THSD7A: variants seen among roughly 807,000 people sequenced by gnomAD.
The protein encoded by THSD7A is thrombospondin type 1 domain containing 7A, also known as thrombospondin type-1 domain-containing protein 7A.
THSD7A carries 96 observed loss-of-function variants against 231.3 expected under a neutral mutation model. The ratio of observed to expected loss-of-function variants is 0.41; its 90% CI spans 0.35 to 0.49. THSD7A has a LOEUF of 0.49. Among genes scored for constraint, THSD7A ranks in the 20% least tolerant of loss-of-function variants. The pLI is 0.05. For missense variants in THSD7A, 2,290 were observed against 2,070.2 expected (o/e 1.11, Z -2.06); for synonymous variants, 940 against 743.3 (o/e 1.26, Z -4.30).
At chr7:11,708,796 A>G (rs1780853413) in intron 1 of THSD7A, among the ~76,000 whole-genome samples, 1 of 150,922 alleles carries the variant, frequency 6.6e-6, no homozygotes, top group Non-Finnish European at 1.5e-5. Context: ...CACAATTATT[A>G]TCAAATAGTT....
intron 4 of THSD7A, among the ~76,000 whole-genome samples, chr7:11,571,586 A>G (rs1790632691): frequency 6.6e-6 from 1 of 152,228 alleles, no homozygotes; most frequent in South Asian, 2.1e-4. Flanking sequence ...CAGGTAATCT[A>G]TCTCCATAGT....
At chr7:11,727,184 C>T (rs1781576683) in intron 1 of THSD7A, among the ~76,000 whole-genome samples, 1 of 152,020 alleles carries the variant, frequency 6.6e-6, no homozygotes, top group Admixed American at 6.6e-5. Flanking sequence ...GCAGGGCATA[C>T]ATATTTGCAA....
Position 11,375,521 on chromosome 7 carries a change from C to A in THSD7A, c.*273G>T. On this transcript the variant is annotated 3_prime_UTR_variant, in exon 28 of 28. Coordinates refer to ENST00000423059, the MANE Select transcript of THSD7A (RefSeq NM_015204.3). ...TTAGAGATGAAAGTGGTTTTTCAGT[C>A]GGTAGATTTCAGAAAAGATGACATA... 3.6e-6 allele frequency: 1 copy of A among 276,378 alleles called. No individual in the cohort carries two copies. The highest frequency in any genetic ancestry group is 6.2e-5 in the East Asian group (1 of 16,078). 17.1% of individuals were successfully genotyped at this position (276,378 alleles called of 1,614,324 possible).
At chr7:11,548,573 G>C (rs1039286626) in intron 4 of THSD7A, among the ~76,000 whole-genome samples, 9 of 152,114 alleles carry the variant, frequency 5.9e-5, no homozygotes, top group Admixed American at 5.9e-4. Context: ...GAAAACTTTA[G>C]GCCAATATCC....
In THSD7A at chr7:11,457,578, A is replaced by C. The variant is rs571553948; in HGVS notation, c.2605+3084T>G. Among the ~76,000 whole-genome samples the C allele has an allele frequency of 1.3e-3, 198 of 152,116 alleles. 1 individual carries two copies. The highest frequency in any genetic ancestry group is 0.01 in the Middle Eastern group (3 of 294). ...CAGGCCCATGTGTCTTATCTTTCTA[A>C]TTTATTCTGTACACGCTGACAGATA... On this transcript the variant is annotated intron_variant, in intron 11 of 27. Coordinates refer to ENST00000423059, the MANE Select transcript of THSD7A (RefSeq NM_015204.3).
intron 1 of THSD7A, among the ~76,000 whole-genome samples, chr7:11,710,269 G>GAA (rs35545313): frequency 6.9e-6 from 1 of 145,580 alleles, no homozygotes; most frequent in Non-Finnish European, 1.5e-5. Flanking sequence ...CACTTTACAA[G>GAA]AAAAAAAAAA....
At chr7:11,476,609 G>A (rs1450161048) in intron 7 of THSD7A, among the ~76,000 whole-genome samples, 7 of 152,046 alleles carry the variant, frequency 4.6e-5, no homozygotes, top group African/African-American at 1.7e-4. Context: ...CTGAGCTCAG[G>A]AGTTTGGGAC....
intron 1 of THSD7A, among the ~76,000 whole-genome samples, chr7:11,786,147 G>A (rs78764744): frequency 0.015 from 2,217 of 148,608 alleles, 47 homozygotes; most frequent in African/African-American, 0.055. Context: ...CTAATAGTTT[G>A]GTTAATTCTT....
intron 1 of THSD7A, among the ~76,000 whole-genome samples, chr7:11,673,142 G>A (rs778547583): frequency 6.6e-6 from 1 of 152,096 alleles, no homozygotes; most frequent in Non-Finnish European, 1.5e-5. Context: ...GAGGAAGCAT[G>A]GCAGCCTGCC....
rs1012193285 is a variant in THSD7A, at chr7:11,406,349, A to T, written c.4188T>A (p.Asp1396Glu). Reference sequence around the variant, plus strand: ...CCTCCAGAACCATATTTTTATTACCATCTATAATGAGTTCAATGTCAGCAC... The same window carrying T: ...CCTCCAGAACCATATTTTTATTACCTTCTATAATGAGTTCAATGTCAGCAC... ...EFCADIELII[D>E]GNKNMVLEES... The change falls in exon 22 of 28, where the codon GAT becomes GAA. Residue 1396 changes from aspartate (D) to glutamate (E), a missense_variant. Physicochemically the swap from Asp to Glu is conservative, Grantham distance 45. Coordinates refer to ENST00000423059, the MANE Select transcript of THSD7A (RefSeq NM_015204.3). The surrounding 1 kb of genome is among the most constrained non-coding windows in gnomAD (Gnocchi z 4.7). 4 of 1,613,478 alleles carry T rather than the reference A, an allele frequency of 2.5e-6. No individual in the cohort carries two copies. Among genetic ancestry groups the T allele is most frequent in the African/African-American group, 1.3e-5 (1 of 74,984 alleles).
intron 6 of THSD7A, among the ~76,000 whole-genome samples, chr7:11,519,804 A>G (rs985719324): frequency 2.0e-5 from 3 of 152,206 alleles, no homozygotes; most frequent in African/African-American, 4.8e-5. Flanking sequence ...AAAAGCTTTC[A>G]AGTAAATCTA....
chr7:11,381,195 C>T (rs1287819918), intron 24 of THSD7A, among the ~76,000 whole-genome samples: 1 of 152,130 alleles, frequency 6.6e-6, no homozygotes, highest in African/African-American at 2.4e-5. Context: ...CTCCATACCT[C>T]TTAGAGTGGG....
chr7:11,416,890 A>G (rs1783980305), intron 17 of THSD7A, among the ~76,000 whole-genome samples: 1 of 152,168 alleles, frequency 6.6e-6, no homozygotes, highest in South Asian at 2.1e-4. Flanking sequence ...TTCCAGGCCC[A>G]AAGAGACACA....
Position 11,411,303 on chromosome 7 carries a change from C to T in THSD7A, c.3702G>A (p.Leu1234=), listed in dbSNP as rs1287173333. 6.2e-7 allele frequency: 1 copy of T among 1,613,672 alleles called. No individual in the cohort carries two copies. Among genetic ancestry groups the T allele is most frequent in the Non-Finnish European group, 8.5e-7 (1 of 1,179,648 alleles). ...CATTTCCACAAACTGCCTTCTCACT[C>T]AGCTGACATGTACTCCAGTCTGAAA... is the stretch of plus-strand genomic sequence containing the variant. ...YNVTDWSTCQ[L]SEKAVCGNGI... The change falls in exon 19 of 28, where the codon CTG becomes CTA. Residue 1234 remains leucine, a synonymous_variant. Transcript: ENST00000423059. This position sits in a 1 kb window ranked among gnomAD's most constrained non-coding sequence, Gnocchi z 4.1.
intron 1 of THSD7A, among the ~76,000 whole-genome samples, chr7:11,737,347 C>T (rs1781951379): frequency 6.6e-6 from 1 of 151,886 alleles, no homozygotes; most frequent in South Asian, 2.1e-4. Flanking sequence ...GGCTTAACAT[C>T]AGCATAGGGC....
chr7:11,824,219 AG>A, intron 1 of THSD7A, among the ~76,000 whole-genome samples: 1 of 152,180 alleles, frequency 6.6e-6, no homozygotes, highest in East Asian at 1.9e-4. Flanking sequence ...TCCTTCATTA[AG>A]GGCCAGTCTA....
At position 11,481,781 on chromosome 7, in the gene THSD7A, G is replaced by A. The variant is rs778011706; in HGVS notation, c.2017+7C>T. On this transcript the variant is annotated splice_region_variant and intron_variant, in intron 7 of 27. Coordinates refer to ENST00000423059, the MANE Select transcript of THSD7A (RefSeq NM_015204.3). The stretch of plus-strand genomic sequence containing the variant: ...AACCTAGATGGCGTCTGAAGCTGGC[G>A]ACTCACCTTCTTCACCCGCATAGGC... 1.2e-5 allele frequency: 19 copies of A among 1,587,056 alleles called. No individual in the cohort carries two copies. The highest frequency in any genetic ancestry group is 1.7e-4 in the Middle Eastern group (1 of 5,946).
intron 6 of THSD7A, among the ~76,000 whole-genome samples, chr7:11,533,224 G>A (rs1788776647): frequency 6.6e-6 from 1 of 152,128 alleles, no homozygotes; most frequent in South Asian, 2.1e-4. Context: ...ATGTCCTCTG[G>A]CCTAATTTCT....
At chr7:11,567,239 G>A (rs1441899651) in intron 4 of THSD7A, among the ~76,000 whole-genome samples, 4 of 152,100 alleles carry the variant, frequency 2.6e-5, no homozygotes, top group Non-Finnish European at 5.9e-5. Flanking sequence ...AATCATGGTG[G>A]AAGGTGAAGA....
Sources: allele counts gnomAD v4.1 joint callset (sites outside exome capture counted in the v4.1 genomes callset), GRCh38; gene constraint gnomAD v4.1.1; non-coding constraint Gnocchi (gnomAD v3.1); transcripts MANE v1.5; gene names NCBI Gene and HGNC (gene_info 2026-07-23, HGNC 2026-07-21).